TMEM272: variants seen among roughly 807,000 people sequenced by gnomAD.
TMEM272 encodes transmembrane protein 272.
Under a neutral mutation model 3.7 loss-of-function variants are expected in TMEM272, and 8 were observed. That is an observed-to-expected ratio of 2.17 (90% CI 1.27 to 3.91). The LOEUF (loss-of-function observed/expected upper bound fraction) is 3.91, where lower values mean the gene tolerates loss of function less well. TMEM272 is among the 30% of genes most tolerant of loss of function. The probability of loss-of-function intolerance (pLI) is 0.00; values close to 1 mark genes in which losing one functional copy is unlikely to be tolerated. For missense variants in TMEM272, 166 were observed against 91.5 expected, an observed-to-expected ratio of 1.81 and a Z score of -3.32; for synonymous variants, 63 against 39.8, an observed-to-expected ratio of 1.58 and a Z score of -2.20.
chr13:51,884,414 T>C, the TMEM272 span, among the ~76,000 whole-genome samples: 20 of 152,234 alleles, frequency 1.3e-4, no homozygotes, highest in Admixed American at 1.2e-3. Flanking sequence ...CCTTTGCAAA[T>C]ATTATATTTC....
At chr13:51,859,892 C>CT in the TMEM272 span, among the ~76,000 whole-genome samples, 1 of 126,396 alleles carries the variant, frequency 7.9e-6, no homozygotes, top group Non-Finnish European at 1.7e-5. Flanking sequence ...AACTGTTATT[C>CT]TATTTTTTTT....
chr13:51,885,194 T>A, the TMEM272 span, among the ~76,000 whole-genome samples: 1 of 152,244 alleles, frequency 6.6e-6, no homozygotes, highest in Non-Finnish European at 1.5e-5. Context: ...AAAAGACTCA[T>A]TTGTGTCTGG....
intron 4 of TMEM272, among the ~76,000 whole-genome samples, chr13:51,817,613 C>T (rs560838600): frequency 2.0e-5 from 3 of 152,178 alleles, no homozygotes; most frequent in Non-Finnish European, 2.9e-5. Flanking sequence ...ATCCAGGTAC[C>T]GTGAGCCGTT....
At chr13:51,826,095 T>A (rs1289626648) in intron 3 of TMEM272, among the ~76,000 whole-genome samples, 2 of 148,964 alleles carry the variant, frequency 1.3e-5, no homozygotes, top group Admixed American at 1.3e-4. Context: ...TATGAGGTTG[T>A]TTAATATACG....
the TMEM272 span, among the ~76,000 whole-genome samples, chr13:51,887,225 T>G: frequency 6.6e-6 from 1 of 152,184 alleles, no homozygotes; most frequent in Non-Finnish European, 1.5e-5. Context: ...TTTGAATGCC[T>G]TCACCAACTG....
intron 4 of TMEM272, among the ~76,000 whole-genome samples, chr13:51,818,128 C>T (rs1420495567): frequency 6.6e-6 from 1 of 152,154 alleles, no homozygotes; most frequent in Non-Finnish European, 1.5e-5. Flanking sequence ...CTCATGGCAC[C>T]CCTAACCCTG....
chr13:51,838,190 C>T (rs962306264), intron 2 of TMEM272, among the ~76,000 whole-genome samples: 4 of 152,320 alleles, frequency 2.6e-5, no homozygotes, highest in Middle Eastern at 3.4e-3. Flanking sequence ...CCATCATACA[C>T]TGATTGTAGC....
At chr13:51,849,651 C>A (rs1287838260), upstream of TMEM272, among the ~76,000 whole-genome samples, 3 of 152,202 alleles carry the variant, frequency 2.0e-5, no homozygotes, top group African/African-American at 7.2e-5. Flanking sequence ...CGCAGAGGCC[C>A]TGTGGGAGGA....
At chr13:51,852,243 G>A in the TMEM272 span, among the ~76,000 whole-genome samples, 1 of 152,212 alleles carries the variant, frequency 6.6e-6, no homozygotes, top group Non-Finnish European at 1.5e-5. Context: ...CTAATTATAA[G>A]TATGGTTGAA....
chr13:51,844,108 T>G (rs146951349), intron 1 of TMEM272, among the ~76,000 whole-genome samples: 1 of 150,726 alleles, frequency 6.6e-6, no homozygotes, highest in Admixed American at 6.6e-5. Context: ...TGAGAAACTT[T>G]CTATGTCTGT....
At chr13:51,886,328 C>G in the TMEM272 span, among the ~76,000 whole-genome samples, 1 of 152,206 alleles carries the variant, frequency 6.6e-6, no homozygotes. Flanking sequence ...CAATAATATT[C>G]ACATTTGTTG....
chr13:51,915,610 C>T, the TMEM272 span, among the ~76,000 whole-genome samples: 1 of 152,206 alleles, frequency 6.6e-6, no homozygotes, highest in Non-Finnish European at 1.5e-5. Context: ...GCCCCTGTCA[C>T]CATGCCCCTG....
chr13:51,921,086 T>C, the TMEM272 span, among the ~76,000 whole-genome samples: 3 of 152,266 alleles, frequency 2.0e-5, no homozygotes, highest in Admixed American at 6.5e-5. Context: ...GAGGCAGCCA[T>C]TGAGTGCTGA....
At chr13:51,833,632 A>C (rs1593596430) in intron 2 of TMEM272, among the ~76,000 whole-genome samples, 1 of 152,212 alleles carries the variant, frequency 6.6e-6, no homozygotes, top group East Asian at 1.9e-4. Flanking sequence ...CAGAAAGAGG[A>C]GGGGCTTTAG....
chr13:51,862,285 T>C, the TMEM272 span: 2 of 152,232 alleles, frequency 1.3e-5, no homozygotes, highest in African/African-American at 2.4e-5. Flanking sequence ...TAAGGTAATA[T>C]ATAATATTTT....
chr13:51,892,333 T>C, the TMEM272 span, among the ~76,000 whole-genome samples: 1 of 152,200 alleles, frequency 6.6e-6, no homozygotes, highest in Admixed American at 6.5e-5. Flanking sequence ...TTCATCATCA[T>C]TGTCATCTCA....
the TMEM272 span, among the ~76,000 whole-genome samples, chr13:51,928,410 T>C: frequency 1.3e-5 from 2 of 152,246 alleles, no homozygotes; most frequent in East Asian, 3.8e-4. Context: ...GACCTCATCA[T>C]ACCCTCATGG....
the TMEM272 span, among the ~76,000 whole-genome samples, chr13:51,869,693 T>C: frequency 6.6e-6 from 1 of 152,114 alleles, no homozygotes; most frequent in East Asian, 1.9e-4. Flanking sequence ...TTTCGCCATG[T>C]TGTCCAGGCT....
the TMEM272 span, chr13:51,908,557 C>T: frequency 4.0e-6 from 6 of 1,494,800 alleles, no homozygotes; most frequent in African/African-American, 1.4e-5. Context: ...GGTGGAGGAA[C>T]AAAGCCAGGG....
Sources: gnomAD v4.1 joint callset for allele counts (sites outside exome capture counted in the v4.1 genomes callset) on GRCh38, gnomAD v4.1.1 for gene constraint, MANE v1.5 for transcripts, NCBI Gene and HGNC (gene_info 2026-07-23, HGNC 2026-07-21) for gene names.